Variants in GTF3C5 observed in about 807,000 individuals in gnomAD.
GTF3C5 encodes general transcription factor IIIC subunit 5, also known as general transcription factor 3C polypeptide 5.
Under a neutral mutation model 61.0 loss-of-function variants are expected in GTF3C5, and 47 were observed. That is an observed-to-expected ratio of 0.77 (90% confidence interval 0.61 to 0.98). The LOEUF (loss-of-function observed/expected upper bound fraction) is 0.98, where lower values mean the gene tolerates loss of function less well. Among genes scored for constraint, GTF3C5 ranks in the 50% least tolerant of loss-of-function variants. The pLI, the probability that GTF3C5 is intolerant of heterozygous loss-of-function variation, is 0.00. For synonymous variants in GTF3C5, 295 were observed against 275.4 expected, an observed-to-expected ratio of 1.07 and a Z score of -0.71; for missense variants, 659 against 703.3, an observed-to-expected ratio of 0.94 and a Z score of 0.71.
At chr9:133,057,752 C>G in intron 10 of GTF3C5, 62 bp from the exon 11 acceptor site, 1 of 1,493,984 alleles carries the variant, frequency 6.7e-7, no homozygotes, top group Non-Finnish European at 9.0e-7. Flanking sequence ...GCCTGGTGGC[C>G]TTTCTGGGGC....
In GTF3C5 at chr9:133,054,456, A is replaced by G. The variant is rs1829864821; in HGVS notation, c.1037A>G (p.Asn346Ser). 6.2e-7 allele frequency: 1 copy of G among 1,614,144 alleles called. No individual in the cohort carries two copies. Among genetic ancestry groups the G allele is most frequent in the Non-Finnish European group, 8.5e-7 (1 of 1,180,010 alleles). ...GTCAAAGCAAAGCGCAGCACCTACA[A>G]CTACAGCCTCCCCATCACCGTCAAG... ...LPVKAKRSTY[N>S]YSLPITVKKT... The change falls in exon 7 of 11, where the codon AAC becomes AGC. Residue 346 changes from asparagine (N) to serine (S), a missense_variant. Physicochemically the swap from Asn to Ser is conservative, Grantham distance 46 (BLOSUM62 1). Transcript: ENST00000372097.
Position 133,058,045 on chromosome 9 carries a change from G to T in GTF3C5, c.*65G>T. On this transcript the variant is annotated 3_prime_UTR_variant, in exon 11 of 11. Coordinates refer to ENST00000372097, the MANE Select transcript of GTF3C5 (RefSeq NM_012087.4). ...GTGTCTGGCCTAATGAGGGAGCCGGGGCTCCCCATTGCCACCCACAGTGCC... is the reference window on the plus strand; with the variant it reads ...GTGTCTGGCCTAATGAGGGAGCCGGTGCTCCCCATTGCCACCCACAGTGCC... The T allele has an allele frequency of 6.3e-7, 1 of 1,597,128 alleles. No individual in the cohort carries two copies. Among genetic ancestry groups the T allele is most frequent in the Admixed American group, 1.8e-5 (1 of 56,578 alleles).
At chr9:133,032,322 A>G (rs1402648896) in intron 1 of GTF3C5, among the ~76,000 whole-genome samples, 1 of 152,140 alleles carries the variant, frequency 6.6e-6, no homozygotes, top group Non-Finnish European at 1.5e-5. Context: ...GCTAATCTCA[A>G]TTGGCTATTT....
intron 3 of GTF3C5, among the ~76,000 whole-genome samples, chr9:133,045,697 C>T (rs764080166): frequency 9.9e-5 from 15 of 152,116 alleles, no homozygotes; most frequent in African/African-American, 3.1e-4. Context: ...AGTGCAGTGG[C>T]GCGATCTTGG....
At chr9:133,041,237 G>C (rs1433211763) in intron 1 of GTF3C5, among the ~76,000 whole-genome samples, 1 of 152,200 alleles carries the variant, frequency 6.6e-6, no homozygotes, top group Non-Finnish European at 1.5e-5. Flanking sequence ...GTTTGGAGAA[G>C]ACTCTACTCC....
Position 133,043,757 on chromosome 9 carries a change from C to G in GTF3C5, c.403C>G (p.His135Asp). Residue 135 changes from histidine to aspartate, a missense_variant, in exon 3 of 11, where the codon CAT (histidine) becomes GAT (aspartate). Transcript: ENST00000372097. Reference sequence around the variant, plus strand: ...GTCTGACTTCCAGTACTTGGCTGTGCATACGGAAGCAGGCGGCAAGCATAC... The same window carrying G: ...GTCTGACTTCCAGTACTTGGCTGTGGATACGGAAGCAGGCGGCAAGCATAC... Reference protein sequence around the residue: ...GMSDFQYLAVHTEAGGKHTSM... With the variant: ...GMSDFQYLAVDTEAGGKHTSM... 6.2e-7 allele frequency: 1 copy of G among 1,614,144 alleles called. No homozygotes were observed. The highest frequency in any genetic ancestry group is 8.5e-7 in the Non-Finnish European group (1 of 1,180,004).
intron 3 of GTF3C5, among the ~76,000 whole-genome samples, chr9:133,044,772 G>A (rs182910589): frequency 8.5e-5 from 13 of 152,100 alleles, no homozygotes; most frequent in Admixed American, 2.6e-4. Flanking sequence ...TATGGACTGC[G>A]TCCCCTCCAG....
In GTF3C5 at chr9:133,053,880, A is replaced by G. The variant is rs971292171; in HGVS notation, c.926A>G (p.Lys309Arg). The G allele has an allele frequency of 6.2e-7, 1 of 1,613,714 alleles. No individual in the cohort carries two copies. The highest frequency in any genetic ancestry group is 8.5e-7 in the Non-Finnish European group (1 of 1,179,618). The change falls in exon 6 of 11, where the codon AAA (lysine) becomes AGA (arginine). Residue 309 changes from lysine (K) to arginine (R), a missense_variant. Lys to Arg is a conservative substitution (Grantham distance 26). Coordinates refer to ENST00000372097, the MANE Select transcript of GTF3C5 (RefSeq NM_012087.4). ...LWIRFGYDPR[K>R]NPDAKIYQVL... ...ATTCGATTTGGGTATGACCCCCGAA[A>G]AAACCCAGATGCCAAGATTTATCAA... is the stretch of plus-strand genomic sequence containing the variant.
chr9:133,055,121 A>G, intron 8 of GTF3C5: 2 of 1,549,450 alleles, frequency 1.3e-6, no homozygotes, highest in South Asian at 2.4e-5. Flanking sequence ...CCACGTGACC[A>G]CTCCGGGAAT....
chr9:133,039,122 TA>T (rs1460205778), intron 1 of GTF3C5, among the ~76,000 whole-genome samples: 9 of 152,200 alleles, frequency 5.9e-5, no homozygotes, highest in African/African-American at 2.2e-4. Context: ...TGGAGGATGC[TA>T]TGTGTAAGTT....
chr9:133,034,447 A>C (rs1849811628), intron 1 of GTF3C5, among the ~76,000 whole-genome samples: 1 of 152,188 alleles, frequency 6.6e-6, no homozygotes, highest in Non-Finnish European at 1.5e-5. Flanking sequence ...AGTCACATTG[A>C]TGACAAGATG....
At chr9:133,037,750 C>A (rs887572821) in intron 1 of GTF3C5, among the ~76,000 whole-genome samples, 26 of 152,094 alleles carry the variant, frequency 1.7e-4, no homozygotes, top group Non-Finnish European at 3.2e-4. Context: ...TTGAACTCTG[C>A]GTCTTCTAAG....
Position 133,057,841 on chromosome 9 carries a change from A to C in GTF3C5, c.1421A>C (p.Asp474Ala). The C allele has an allele frequency of 6.2e-7, 1 of 1,612,254 alleles. No individual in the cohort carries two copies. The highest frequency in any genetic ancestry group is 1.1e-5 in the South Asian group (1 of 90,926). Residue 474 changes from aspartate to alanine, a missense_variant, in exon 11 of 11, where the codon GAT (aspartate) becomes GCT (alanine). Coordinates refer to ENST00000372097, the MANE Select transcript of GTF3C5 (RefSeq NM_012087.4). ...PALFSSSAKA[D>A]GGKEQLTYES... is the part of the protein sequence containing the mutation. Reference sequence around the variant, plus strand: ...CTCTTTTCCAGCTCAGCCAAGGCTGATGGCGGAAAAGAGCAGCTGACGTAC... The same window carrying C: ...CTCTTTTCCAGCTCAGCCAAGGCTGCTGGCGGAAAAGAGCAGCTGACGTAC...
intron 1 of GTF3C5, among the ~76,000 whole-genome samples, chr9:133,039,052 C>CA (rs1054065533): frequency 6.6e-5 from 10 of 152,154 alleles, no homozygotes; most frequent in Admixed American, 3.3e-4. Context: ...TAGGAACTGT[C>CA]AGAGTCTGTA....
At chr9:133,030,755 G>C, upstream of GTF3C5, 1 of 596,328 alleles carries the variant, frequency 1.7e-6, no homozygotes, top group Middle Eastern at 3.5e-4. Flanking sequence ...AGAGACTGGT[G>C]CTTGCCCCGC....
At chr9:133,034,203 C>A (rs1189630144) in intron 1 of GTF3C5, among the ~76,000 whole-genome samples, 1 of 152,080 alleles carries the variant, frequency 6.6e-6, no homozygotes, top group Non-Finnish European at 1.5e-5. Flanking sequence ...TTTGAGTTTC[C>A]GCAACTTATT....
At position 133,030,999 on chromosome 9, in the gene GTF3C5, C is replaced by G. The variant is rs746123269; in HGVS notation, c.-13C>G. The G allele has an allele frequency of 1.2e-6, 2 of 1,612,130 alleles. No homozygotes were observed. The highest frequency in any genetic ancestry group is 4.5e-5 in the East Asian group (2 of 44,838). On this transcript the variant is annotated 5_prime_UTR_variant, in exon 1 of 11. Transcript: ENST00000372097. Reference sequence around the variant, plus strand: ...TGGGACGGACCCTGGCGGGCCCTGCCAGACGCACAGGGATGGCGGCGGAGG... The same window carrying G: ...TGGGACGGACCCTGGCGGGCCCTGCGAGACGCACAGGGATGGCGGCGGAGG...
At position 133,049,577 on chromosome 9, in the gene GTF3C5, T is replaced by C. The variant is rs373865470; in HGVS notation, c.573-1206T>C. Reference sequence around the variant, plus strand: ...CACTTCGATGAAATGCAGTTAACCATGTGCTGATCATTGCTGAAGCTGGTG... The same window carrying C: ...CACTTCGATGAAATGCAGTTAACCACGTGCTGATCATTGCTGAAGCTGGTG... On this transcript the variant is annotated intron_variant, in intron 3 of 10. Transcript: ENST00000372097. 1.1e-3 allele frequency among the ~76,000 whole-genome samples: 163 copies of C among 152,314 alleles called. No individual in the cohort carries two copies. In the South Asian group the frequency reaches 0.012, roughly 11 times the overall value.
intron 9 of GTF3C5, 132 bp from the exon 10 acceptor site, chr9:133,056,632 CCT>C (rs1588482334): frequency 1.3e-6 from 1 of 772,278 alleles, no homozygotes; most frequent in Non-Finnish European, 2.0e-6. Context: ...GTTTCCAGTT[CCT>C]CTCTGTAGAC....
Sources: gnomAD v4.1 joint callset for allele counts (sites outside exome capture counted in the v4.1 genomes callset) on GRCh38, gnomAD v4.1.1 for gene constraint, MANE v1.5 for transcripts, NCBI Gene and HGNC (gene_info 2026-07-23, HGNC 2026-07-21) for gene names.